Variants in ZNF569 observed in about 807,000 individuals in gnomAD.
ZNF569 encodes the protein DNA-binding protein.
A neutral mutation model predicts 56.3 loss-of-function variants in ZNF569; 38 were observed. The ratio of observed to expected loss-of-function variants is 0.68; its 90% CI spans 0.52 to 0.88. The LOEUF is 0.88. Ranked by LOEUF, ZNF569 falls within the 40% of genes least tolerant of loss-of-function variation. The pLI, the probability that ZNF569 is intolerant of heterozygous loss-of-function variation, is 0.00. For synonymous variants in ZNF569, 241 were observed against 262.9 expected (o/e 0.92, Z 0.81); for missense variants, 666 against 809.2 (o/e 0.82, Z 2.15).
intron 2 of ZNF569, among the ~76,000 whole-genome samples, chr19:37,448,000 T>A (rs2041526900): frequency 6.6e-6 from 1 of 152,182 alleles, no homozygotes; most frequent in African/African-American, 2.4e-5. Flanking sequence ...CATATTCTGT[T>A]GAGGATTTTT....
At position 37,411,277 on chromosome 19, in the gene ZNF569, T is replaced by C. The variant is rs1053494879; in HGVS notation, c.*1320A>G. 1 of 152,210 alleles carries C rather than the reference T, an allele frequency of 6.6e-6. No individual in the cohort carries two copies. Among genetic ancestry groups the C allele is most frequent in the Non-Finnish European group, 1.5e-5 (1 of 68,012 alleles). The allele number at this position is 152,210 out of a possible 1,614,324, so 9.4% of individuals were successfully genotyped here. ...TGGATCCATGACCAATACACAGTACTGTTCTTTGCAAGATCTTATTAAATT... is the reference window on the plus strand; with the variant it reads ...TGGATCCATGACCAATACACAGTACCGTTCTTTGCAAGATCTTATTAAATT... On this transcript the variant is annotated 3_prime_UTR_variant, in exon 6 of 6. Coordinates refer to ENST00000316950, the MANE Select transcript of ZNF569 (RefSeq NM_152484.3).
At chr19:37,416,630 T>C (rs1203224739) in intron 5 of ZNF569, among the ~76,000 whole-genome samples, 2 of 152,242 alleles carry the variant, frequency 1.3e-5, no homozygotes, top group African/African-American at 4.8e-5. Flanking sequence ...TGTTATACTA[T>C]AATTTAAAAT....
At chr19:37,443,896 T>A (rs2041450282) in intron 3 of ZNF569, among the ~76,000 whole-genome samples, 1 of 150,436 alleles carries the variant, frequency 6.6e-6, no homozygotes, top group East Asian at 2.0e-4. Context: ...TGGGTGCCTA[T>A]AATCCCAGCT....
chr19:37,467,576 T>G, upstream of ZNF569: 2 of 444,234 alleles, frequency 4.5e-6, no homozygotes, highest in Non-Finnish European at 8.1e-6. Flanking sequence ...GCTCAGTGTG[T>G]TTAGTTCCGT....
At chr19:37,448,665 G>A (rs946696141) in intron 2 of ZNF569, among the ~76,000 whole-genome samples, 1 of 144,650 alleles carries the variant, frequency 6.9e-6, no homozygotes, top group Non-Finnish European at 1.5e-5. Context: ...CCGGGTTCAC[G>A]CCTTTCTCCT....
chr19:37,445,178 G>A (rs571096436), intron 2 of ZNF569, among the ~76,000 whole-genome samples: 14 of 152,306 alleles, frequency 9.2e-5, no homozygotes, highest in African/African-American at 3.1e-4. Context: ...AAACAGGGGT[G>A]CGTATGTGGG....
chr19:37,427,908 G>A, intron 3 of ZNF569: 1 of 431,542 alleles, frequency 2.3e-6, no homozygotes, highest in Non-Finnish European at 4.7e-6. Flanking sequence ...CAATTACAGG[G>A]AAGAACATGA....
chr19:37,415,224 A>AT (rs2040908046), intron 5 of ZNF569, among the ~76,000 whole-genome samples: 1 of 152,068 alleles, frequency 6.6e-6, no homozygotes, highest in African/African-American at 2.4e-5. Context: ...AGTTGAGTAC[A>AT]TTTTTTCCAG....
chr19:37,425,976 A>T lies in ZNF569; in HGVS notation c.143-13T>A. On this transcript the variant is annotated splice_polypyrimidine_tract_variant and intron_variant, in intron 4 of 5. Coordinates refer to ENST00000316950, the MANE Select transcript of ZNF569 (RefSeq NM_152484.3). Reference sequence around the variant, plus strand: ...GTGAACGGATAGCCTGTCAAAGGGAAGTTACATAGATTTGGGCATACATAC... The same window carrying T: ...GTGAACGGATAGCCTGTCAAAGGGATGTTACATAGATTTGGGCATACATAC... 1 of 1,613,312 alleles carries T rather than the reference A, an allele frequency of 6.2e-7. No homozygotes were observed. Among genetic ancestry groups the T allele is most frequent in the Non-Finnish European group, 8.5e-7 (1 of 1,179,420 alleles).
intron 3 of ZNF569, among the ~76,000 whole-genome samples, chr19:37,438,201 G>C (rs977102955): frequency 1.1e-4 from 16 of 152,070 alleles, no homozygotes; most frequent in Admixed American, 1.0e-3. Flanking sequence ...GGGAGTTTGA[G>C]TCCTGGGCAA....
chr19:37,424,815 C>CAAAAA lies in ZNF569; in HGVS notation c.238+1048_238+1052dup, dbSNP rs71177448. ...TGGGTGACAGAGTGAGACTCTGTCT[C>CAAAAA]AAAAAAAAAAAAAAAAAAAAAAAAG... On this transcript the variant is annotated intron_variant, in intron 5 of 5. Transcript: ENST00000316950. Among the ~76,000 whole-genome samples, 62 of 33,536 alleles carry CAAAAA rather than the reference C, an allele frequency of 1.8e-3. 5 individuals carry two copies. Among genetic ancestry groups the CAAAAA allele is most frequent in the African/African-American group, 4.9e-3 (39 of 7,946 alleles). The allele number at this position is 33,536 out of a possible 152,430, so 22.0% of individuals were successfully genotyped here.
At chr19:37,445,752 A>G (rs1014120208) in intron 2 of ZNF569, among the ~76,000 whole-genome samples, 3 of 152,232 alleles carry the variant, frequency 2.0e-5, no homozygotes, top group African/African-American at 7.2e-5. Flanking sequence ...GAGGTAAAAG[A>G]TCTCTATAAG....
intron 3 of ZNF569, among the ~76,000 whole-genome samples, chr19:37,438,280 G>C (rs1311256843): frequency 6.6e-6 from 1 of 151,986 alleles, no homozygotes; most frequent in Non-Finnish European, 1.5e-5. Context: ...GTGGTACTTG[G>C]GAAGCTGAGG....
At position 37,425,930 on chromosome 19, in the gene ZNF569, T is replaced by C. The variant is rs369402807; in HGVS notation, c.176A>G (p.Lys59Arg). ...YPFTKPDVIF[K>R]LEQEEEPWVM... ...CCATGGTTCTTCTTCTTGCTCCAAT[T>C]TGAAAATCACATCAGGTTTGGTGAA... The change falls in exon 5 of 6, where the codon AAA (lysine) becomes AGA (arginine). Residue 59 changes from lysine to arginine, a missense_variant. By Grantham distance (26) the Lys-to-Arg change is conservative (BLOSUM62 2). Transcript: ENST00000316950. The C allele has an allele frequency of 5.0e-6, 8 of 1,613,872 alleles. No homozygotes were observed. In the African/African-American group the frequency reaches 8.0e-5, roughly 16 times the overall value.
intron 3 of ZNF569, among the ~76,000 whole-genome samples, chr19:37,435,383 A>AAAAGGAAG (rs144916780): frequency 0.03 from 4,571 of 152,252 alleles, 206 homozygotes; most frequent in African/African-American, 0.095. Context: ...CACCTTCCCA[A>AAAAGGAAG]AAAGGAAGAC....
intron 5 of ZNF569, among the ~76,000 whole-genome samples, chr19:37,417,138 T>A (rs1388052242): frequency 6.6e-6 from 1 of 152,196 alleles, no homozygotes; most frequent in Non-Finnish European, 1.5e-5. Flanking sequence ...AACCAAGGAA[T>A]GTCTGGGGAT....
At chr19:37,450,747 C>T (rs1459167070) in intron 2 of ZNF569, among the ~76,000 whole-genome samples, 1 of 152,094 alleles carries the variant, frequency 6.6e-6, no homozygotes, top group African/African-American at 2.4e-5. Flanking sequence ...CTTCTTTTAT[C>T]AGGTAAGAGC....
intron 5 of ZNF569, among the ~76,000 whole-genome samples, chr19:37,415,796 C>T (rs775663994): frequency 1.3e-4 from 20 of 150,810 alleles, no homozygotes; most frequent in East Asian, 1.9e-4. Flanking sequence ...AGGAGAATGG[C>T]GTGAACCTGT....
At chr19:37,444,525 A>C (rs1325591108) in intron 3 of ZNF569, among the ~76,000 whole-genome samples, 1 of 152,210 alleles carries the variant, frequency 6.6e-6, no homozygotes, top group Admixed American at 6.5e-5. Context: ...GAAAGAGAAC[A>C]TCAAAAGAGC....
Sources: gnomAD v4.1 joint callset for allele counts (sites outside exome capture counted in the v4.1 genomes callset) on GRCh38, gnomAD v4.1.1 for gene constraint, MANE v1.5 for transcripts, NCBI Gene and HGNC (gene_info 2026-07-23, HGNC 2026-07-21) for gene names.